CRTC3: variants seen among roughly 807,000 people sequenced by gnomAD.
CRTC3 encodes the protein CREB regulated transcription coactivator 3, also known as CREB-regulated transcription coactivator 3.
CRTC3 carries 26 observed loss-of-function variants against 74.5 expected under a neutral mutation model. The ratio of observed to expected loss-of-function variants is 0.35; its 90% CI spans 0.26 to 0.48. The LOEUF is 0.48. Among genes scored for constraint, CRTC3 ranks in the 20% least tolerant of loss-of-function variants. The pLI, the probability that CRTC3 is intolerant of heterozygous loss-of-function variation, is 0.99. For synonymous variants in CRTC3, 377 were observed against 325.8 expected (o/e 1.16, Z -1.69); for missense variants, 760 against 787.3 (o/e 0.97, Z 0.41).
At chr15:90,555,728 G>C (rs1401627994) in intron 2 of CRTC3, among the ~76,000 whole-genome samples, 1 of 152,086 alleles carries the variant, frequency 6.6e-6, no homozygotes, top group Non-Finnish European at 1.5e-5. Context: ...ATGTTGGCAG[G>C]CTGGTCCGAA....
At chr15:90,538,645 A>ACAT (rs148093056) in intron 1 of CRTC3, among the ~76,000 whole-genome samples, 1 of 151,924 alleles carries the variant, frequency 6.6e-6, no homozygotes, top group Non-Finnish European at 1.5e-5. Flanking sequence ...GAAGATGGAT[A>ACAT]GATGGGGTTT....
intron 5 of CRTC3, 40 bp downstream of exon 5, chr15:90,604,487 A>T: frequency 1.4e-6 from 2 of 1,432,642 alleles, no homozygotes; most frequent in Non-Finnish European, 2.0e-6. Flanking sequence ...ATTTTAAAGC[A>T]ATTTAACTGT....
At chr15:90,639,251 TCA>T (rs2151098119) in intron 13 of CRTC3, among the ~76,000 whole-genome samples, 1 of 152,180 alleles carries the variant, frequency 6.6e-6, no homozygotes, top group Non-Finnish European at 1.5e-5. Context: ...TGGGGAGAGC[TCA>T]GTCCTGGGGA....
chr15:90,565,965 G>A (rs1430650639), intron 2 of CRTC3, among the ~76,000 whole-genome samples: 1 of 152,198 alleles, frequency 6.6e-6, no homozygotes, highest in Non-Finnish European at 1.5e-5. Context: ...AAATGATTGA[G>A]GTTAGTGAGG....
chr15:90,640,134 A>C (rs1480236294), intron 13 of CRTC3, among the ~76,000 whole-genome samples: 3 of 152,194 alleles, frequency 2.0e-5, no homozygotes, highest in Admixed American at 6.5e-5. Context: ...TGTGGCAAGA[A>C]CCAATCCTCC....
chr15:90,590,244 G>C (rs1388797168), intron 2 of CRTC3, among the ~76,000 whole-genome samples: 11 of 151,838 alleles, frequency 7.2e-5, no homozygotes, highest in Admixed American at 7.2e-4. Flanking sequence ...AGTGAGCCAA[G>C]ATCATACCAC....
chr15:90,554,334 C>G (rs1260319158), intron 2 of CRTC3, among the ~76,000 whole-genome samples: 1 of 151,990 alleles, frequency 6.6e-6, no homozygotes, highest in East Asian at 1.9e-4. Flanking sequence ...TTCCGAGCAG[C>G]TGGAATTACA....
At chr15:90,614,374 A>G (rs1269850824) in intron 6 of CRTC3, 79 bp from the exon 7 acceptor site, 2 of 1,014,780 alleles carry the variant, frequency 2.0e-6, no homozygotes, top group Admixed American at 2.1e-5. Context: ...AATCATAAAG[A>G]GTTACTGATT....
chr15:90,641,944 C>T lies in CRTC3; in HGVS notation c.1664C>T (p.Thr555Ile). 1.2e-6 allele frequency: 2 copies of T among 1,613,464 alleles called. No individual in the cohort carries two copies. The highest frequency in any genetic ancestry group is 1.1e-5 in the South Asian group (1 of 91,062). ...CCACTCCTTTCAGAAGACTCCAGCA[C>T]CAGCCTGTTCAAAGACCTCAACAGT... ...PNTILPEDSS[T>I]SLFKDLNSAL... Residue 555 changes from threonine (T) to isoleucine (I), a missense_variant, in exon 15 of 15, where the codon ACC becomes ATC. By Grantham distance (89) the Thr-to-Ile change is moderately conservative. Transcript: ENST00000268184.
At chr15:90,614,720 C>G (rs1243936255) in intron 7 of CRTC3, among the ~76,000 whole-genome samples, 1 of 152,098 alleles carries the variant, frequency 6.6e-6, no homozygotes, top group African/African-American at 2.4e-5. Flanking sequence ...ATCTAGGTCC[C>G]CACAGTCACA....
At chr15:90,549,255 T>C (rs999854421) in intron 2 of CRTC3, among the ~76,000 whole-genome samples, 4 of 150,646 alleles carry the variant, frequency 2.7e-5, no homozygotes, top group East Asian at 1.9e-4. Flanking sequence ...TGCCCCCTTA[T>C]TGTTTGGGTT....
intron 4 of CRTC3, among the ~76,000 whole-genome samples, chr15:90,603,249 C>T (rs1460129135): frequency 1.3e-5 from 2 of 150,224 alleles, no homozygotes; most frequent in African/African-American, 4.9e-5. Context: ...CGAGACCATC[C>T]TCGCTAACAC....
chr15:90,593,751 G>A lies in CRTC3; in HGVS notation c.347G>A (p.Arg116Gln), dbSNP rs773913638. The change falls in exon 3 of 15, where the codon CGA (arginine) becomes CAA (glutamine). Residue 116 changes from arginine to glutamine, a missense_variant. Arg to Gln is a conservative substitution (Grantham distance 43). Around this residue, in one of 2 missense-constraint regions of CRTC3, gnomAD observed 652 missense variants for 635.2 expected, o/e 1.03. Transcript: ENST00000268184. The stretch of plus-strand genomic sequence containing the variant: ...CGAAGGTCTGGGGACAAGCCAGGGC[G>A]ACAAATATCCTTTTTTACTCTTCAA... ...LHRRSGDKPGRQFDGSAFGAN... is the reference protein window; with the variant it reads ...LHRRSGDKPGQQFDGSAFGAN... 6 of 1,599,498 alleles carry A rather than the reference G, an allele frequency of 3.8e-6. No individual in the cohort carries two copies. Among genetic ancestry groups the A allele is most frequent in the East Asian group, 2.3e-5 (1 of 44,442 alleles).
Position 90,538,157 on chromosome 15 carries a change from A to T in CRTC3, c.133-1882A>T, listed in dbSNP as rs372629706. 2.0e-5 allele frequency among the ~76,000 whole-genome samples: 3 copies of T among 152,376 alleles called. No individual in the cohort carries two copies. In the East Asian group the frequency reaches 5.8e-4, roughly 29 times the overall value. On this transcript the variant is annotated intron_variant, in intron 1 of 14. Coordinates refer to ENST00000268184, the MANE Select transcript of CRTC3 (RefSeq NM_022769.5). Reference sequence around the variant, plus strand: ...CACAGTTAAGTTTTTGTATCAGTAAATCAATGGATAAATTGATCCTTCAAA... The same window carrying T: ...CACAGTTAAGTTTTTGTATCAGTAATTCAATGGATAAATTGATCCTTCAAA...
At chr15:90,618,618 A>T (rs558210429) in intron 8 of CRTC3, among the ~76,000 whole-genome samples, 83 of 152,296 alleles carry the variant, frequency 5.4e-4, no homozygotes, top group Middle Eastern at 6.8e-3. Flanking sequence ...TCCAGCCCTT[A>T]AGGATGCTCT....
rs573268901 is a variant in CRTC3 at position 90,638,333 on chromosome 15, A to G, written c.1267-113A>G. On this transcript the variant is annotated intron_variant, in intron 11 of 14. Transcript: ENST00000268184. The stretch of plus-strand genomic sequence containing the variant: ...GGCTTCTCACAGCATTGCACAGAAC[A>G]CCGCGGTGAGGAAAATCTCAGGCTT... The G allele has an allele frequency of 5.0e-5, 43 of 851,718 alleles. No homozygotes were observed. In the African/African-American group the frequency reaches 6.2e-4, roughly 12 times the overall value. The allele number at this position is 851,718 out of a possible 1,614,324, so 52.8% of individuals were successfully genotyped here.
intron 9 of CRTC3, among the ~76,000 whole-genome samples, chr15:90,623,059 TC>T: frequency 6.6e-6 from 1 of 152,084 alleles, no homozygotes; most frequent in South Asian, 2.1e-4. Context: ...TGCCACTGAT[TC>T]CCCCGTCACC....
intron 9 of CRTC3, among the ~76,000 whole-genome samples, chr15:90,621,284 T>C (rs1479593562): frequency 6.6e-6 from 1 of 152,202 alleles, no homozygotes; most frequent in African/African-American, 2.4e-5. Flanking sequence ...ACTTTAGCCC[T>C]CAAGAGGTTT....
In CRTC3 at chr15:90,530,294, C is replaced by A; in HGVS notation, c.132+91C>A. On this transcript the variant is annotated intron_variant, in intron 1 of 14. Transcript: ENST00000268184. The surrounding 1 kb of genome is among the most constrained non-coding windows in gnomAD (Gnocchi z 6.2). ...AGAGGTTGCGGGGCCAAGGCGATGGCGGGGCCGGGCGGGGGCCGCGCCCGG... is the reference window on the plus strand; with the variant it reads ...AGAGGTTGCGGGGCCAAGGCGATGGAGGGGCCGGGCGGGGGCCGCGCCCGG... 1 of 751,354 alleles carries A rather than the reference C, an allele frequency of 1.3e-6. No individual in the cohort carries two copies. Among genetic ancestry groups the A allele is most frequent in the Non-Finnish European group, 1.6e-6 (1 of 616,308 alleles). The allele number at this position is 751,354 out of a possible 1,614,324, so 46.5% of individuals were successfully genotyped here. A position where few individuals can be genotyped will look rare whatever the true frequency, so the allele number is the denominator to read the frequency against.
Sources: gnomAD v4.1 joint callset for allele counts (sites outside exome capture counted in the v4.1 genomes callset) on GRCh38, gnomAD v4.1.1 for gene constraint, gnomAD v4.1.1 regional missense constraint, Gnocchi (gnomAD v3.1) non-coding constraint, MANE v1.5 for transcripts, NCBI Gene and HGNC (gene_info 2026-07-23, HGNC 2026-07-21) for gene names.